Variants in CHEK2 observed in about 807,000 individuals in gnomAD.
CHEK2 encodes serine/threonine-protein kinase Chk2.
In CHEK2, 71 loss-of-function variants were observed where a neutral mutation model predicts 69.1. The observed-to-expected ratio is 1.03, with a 90% CI of 0.85 to 1.25. The LOEUF is 1.25. Ranked by LOEUF, CHEK2 falls within the 50% of genes most tolerant of loss-of-function variation. The pLI is 0.00. For missense variants in CHEK2, 664 were observed against 649.6 expected, an observed-to-expected ratio of 1.02 and a Z score of -0.24; for synonymous variants, 189 against 226.9, an observed-to-expected ratio of 0.83 and a Z score of 1.50.
intron 8 of CHEK2, among the ~76,000 whole-genome samples, chr22:28,700,906 C>T (rs1184940884): frequency 1.3e-5 from 2 of 151,750 alleles, no homozygotes; most frequent in South Asian, 2.1e-4. Context: ...TCTCCTGCCT[C>T]AGCCTCCCAA....
chr22:28,730,508 G>A (rs893162255), intron 2 of CHEK2: 3 of 699,466 alleles, frequency 4.3e-6, no homozygotes, highest in African/African-American at 3.5e-5. Context: ...ATGACAGCAG[G>A]AGTTCAAGAT....
intron 4 of CHEK2, chr22:28,721,672 T>C (rs775544060): frequency 1.6e-5 from 7 of 449,440 alleles, no homozygotes; most frequent in African/African-American, 1.4e-4. Context: ...GTAATGCATG[T>C]TAGCTCAAAT....
At chr22:28,688,831 ATT>A (rs1340069021) in intron 14 of CHEK2, among the ~76,000 whole-genome samples, 1 of 152,246 alleles carries the variant, frequency 6.6e-6, no homozygotes, top group African/African-American at 2.4e-5. Flanking sequence ...CCAAATTTTA[ATT>A]TGTTCAACAA....
At chr22:28,710,104 C>T in intron 6 of CHEK2, 45 bp from the exon 7 acceptor site, 1 of 1,301,752 alleles carries the variant, frequency 7.7e-7, no homozygotes, top group South Asian at 1.2e-5. Context: ...TAATAATTGC[C>T]AATATTTAAA....
chr22:28,714,193 G>T (rs2053509727), intron 5 of CHEK2, among the ~76,000 whole-genome samples: 1 of 152,190 alleles, frequency 6.6e-6, no homozygotes, highest in Non-Finnish European at 1.5e-5. Flanking sequence ...GTGCATGGGG[G>T]TTCCAATTTC....
At chr22:28,708,363 A>ATGTGTTTGTG (rs371287570) in intron 7 of CHEK2, among the ~76,000 whole-genome samples, 3 of 139,668 alleles carry the variant, frequency 2.1e-5, no homozygotes, top group Non-Finnish European at 4.6e-5. Context: ...CTCTAAAAAT[A>ATGTGTTTGTG]TGTGTGTGTG....
In CHEK2 at chr22:28,699,783, G is replaced by C. The variant is rs571141836; in HGVS notation, c.1008+55C>G. On this transcript the variant is annotated intron_variant, in intron 9 of 14. Transcript: ENST00000404276. The stretch of plus-strand genomic sequence containing the variant: ...TCCCTCGATTTCTGCCTAATTCAGG[G>C]AGTAATTCAACTAAAAGAAAGGCAG... The C allele has an allele frequency of 4.3e-6, 5 of 1,160,224 alleles. No homozygotes were observed. In the East Asian group the frequency reaches 9.3e-5, roughly 22 times the overall value. 71.9% of individuals were successfully genotyped at this position (1,160,224 alleles called of 1,614,324 possible). A position where few individuals can be genotyped will look rare whatever the true frequency, so the allele number is the denominator to read the frequency against.
intron 7 of CHEK2, among the ~76,000 whole-genome samples, chr22:28,707,823 T>C (rs2053206248): frequency 6.7e-6 from 1 of 148,240 alleles, no homozygotes; most frequent in Non-Finnish European, 1.5e-5. Flanking sequence ...TGAGCATTTG[T>C]GTTTATCTTT....
chr22:28,712,098 T>C, intron 5 of CHEK2, 81 bp from the exon 6 acceptor site: 4 of 1,001,444 alleles, frequency 4.0e-6, no homozygotes, highest in Admixed American at 3.5e-5. Context: ...CTTCAAGTAT[T>C]AGAATTTACA....
chr22:28,701,029 T>A lies in CHEK2; in HGVS notation c.909-1092A>T, dbSNP rs142565514. Among the ~76,000 whole-genome samples, 741 of 152,120 alleles carry A rather than the reference T, an allele frequency of 4.9e-3. 18 individuals carry two copies. The East Asian group carries it at 0.069, about 14-fold the overall frequency. On this transcript the variant is annotated intron_variant, in intron 8 of 14. Transcript: ENST00000404276. ...GTCTCGAACTCCTGACCTCAGGTGATCTGCTCCCCTCGGCCTCTCAAAGTG... is the reference window on the plus strand; with the variant it reads ...GTCTCGAACTCCTGACCTCAGGTGAACTGCTCCCCTCGGCCTCTCAAAGTG...
rs1569125752 is a variant in CHEK2, at chr22:28,702,388, A to ACCTG, written c.908+1116_908+1117insCAGG. ...CGAGTAGCTGGGACTACAGGAGCCC[A>ACCTG]CCACCACACCCAGCTAATTTTTTGT... On this transcript the variant is annotated intron_variant, in intron 8 of 14. Transcript: ENST00000404276. Among the ~76,000 whole-genome samples, 3 of 149,752 alleles carry ACCTG rather than the reference A, an allele frequency of 2.0e-5. No individual in the cohort carries two copies. In the South Asian group the frequency reaches 6.4e-4, roughly 32 times the overall value.
rs1057522400 is a variant in CHEK2, at chr22:28,694,028, C to T, written c.1461+4G>A. 2.5e-6 allele frequency: 4 copies of T among 1,589,254 alleles called. No individual in the cohort carries two copies. In the Admixed American group the frequency reaches 5.0e-5, roughly 20 times the overall value. ...TATGCTAGCAGGCACTGTCCCACAC[C>T]CACCTGAAGCCACGGGTGTCTTAAG... On this transcript the variant is annotated splice_donor_region_variant and intron_variant, in intron 13 of 14. Transcript: ENST00000404276.
intron 1 of CHEK2, among the ~76,000 whole-genome samples, chr22:28,740,157 C>T (rs1439356479): frequency 6.6e-6 from 1 of 152,184 alleles, no homozygotes; most frequent in Non-Finnish European, 1.5e-5. Context: ...GCCGAGATCG[C>T]ACCACTGCAC....
At chr22:28,695,317 T>C in intron 11 of CHEK2, 75 bp from the exon 12 acceptor site, 1 of 849,718 alleles carries the variant, frequency 1.2e-6, no homozygotes, top group East Asian at 2.5e-5. Flanking sequence ...AAAGATTTCT[T>C]TTTCAGCATA....
At chr22:28,739,278 A>G (rs1159007228) in intron 1 of CHEK2, among the ~76,000 whole-genome samples, 1 of 152,210 alleles carries the variant, frequency 6.6e-6, no homozygotes, top group Non-Finnish European at 1.5e-5. Flanking sequence ...TCTGTCTCAA[A>G]AAAAAGAAAT....
intron 1 of CHEK2, chr22:28,737,280 GCATA>G (rs749692385): frequency 7.6e-5 from 36 of 476,460 alleles, no homozygotes; most frequent in Non-Finnish European, 1.4e-4. Flanking sequence ...AGCAGCCTCA[GCATA>G]CAAATTTTTT....
chr22:28,709,607 A>C lies in CHEK2; in HGVS notation c.846+399T>G, dbSNP rs1248566779. On this transcript the variant is annotated intron_variant, in intron 7 of 14. Coordinates refer to ENST00000404276, the MANE Select transcript of CHEK2 (RefSeq NM_007194.4). ...ACCCAGGTTAATATTAGCTTTATTT[A>C]TTCTTTTAATTTTTCTTGTTTTTTT... Among the ~76,000 whole-genome samples the C allele has an allele frequency of 2.0e-5, 3 of 152,152 alleles. No individual in the cohort carries two copies. In the East Asian group the frequency reaches 5.8e-4, roughly 29 times the overall value.
At chr22:28,708,963 A>C (rs756814277) in intron 7 of CHEK2, 6,911 of 418,798 alleles carry the variant, frequency 0.017, 231 homozygotes, top group Non-Finnish European at 0.021. Flanking sequence ...AAAAAAAAAA[A>C]AAAAAAAAAA....
intron 1 of CHEK2, 58 bp from the exon 2 acceptor site, chr22:28,734,785 A>C (rs1241043117): frequency 6.8e-7 from 1 of 1,464,628 alleles, no homozygotes. Context: ...ACTTAAAATT[A>C]AAAAGTAAAT....
Sources: gnomAD v4.1 joint callset for allele counts (sites outside exome capture counted in the v4.1 genomes callset) on GRCh38, gnomAD v4.1.1 for gene constraint, MANE v1.5 for transcripts, NCBI Gene and HGNC (gene_info 2026-07-23, HGNC 2026-07-21) for gene names.